PACS2: variants seen among roughly 807,000 people sequenced by gnomAD.
The protein encoded by PACS2 is phosphofurin acidic cluster sorting protein 2.
A neutral mutation model predicts 113.0 loss-of-function variants in PACS2; 36 were observed. The ratio of observed to expected loss-of-function variants is 0.32; its 90% confidence interval spans 0.24 to 0.42. PACS2 has a LOEUF of 0.42. Ranked by LOEUF, PACS2 falls within the 10% of genes least tolerant of loss-of-function variation. PACS2 has a pLI of 1.00. For synonymous variants in PACS2, 589 were observed against 536.1 expected (o/e 1.10, Z -1.36); for missense variants, 1,015 against 1,239.5 (o/e 0.82, Z 2.72).
intron 1 of PACS2, among the ~76,000 whole-genome samples, chr14:105,347,437 C>G (rs2140998878): frequency 6.6e-6 from 1 of 152,260 alleles, no homozygotes; most frequent in East Asian, 1.9e-4. Flanking sequence ...TGGTGGGTGG[C>G]TGCGTTCCAT....
chr14:105,364,778 C>T (rs1191202732), intron 4 of PACS2, among the ~76,000 whole-genome samples: 1 of 149,796 alleles, frequency 6.7e-6, no homozygotes, highest in African/African-American at 2.5e-5. Flanking sequence ...CTCACTGCAG[C>T]CTCAAGCCCC....
Position 105,316,864 on chromosome 14 carries a change from T to TGGAGTTAATGGGCGGA in PACS2, c.119+1846_119+1861dup, listed in dbSNP as rs141545789. Among the ~76,000 whole-genome samples, 205 of 151,840 alleles carry TGGAGTTAATGGGCGGA rather than the reference T, an allele frequency of 1.4e-3. 1 individual carries two copies. The Middle Eastern group carries it at 0.031, about 23-fold the overall frequency. On this transcript the variant is annotated intron_variant, in intron 1 of 24. Transcript: ENST00000447393. ...GAGGACAGGATTTGTTCTGTTGGTG[T>TGGAGTTAATGGGCGGA]GGAGTTAATGGGCGGAGGAGTTAAT...
At chr14:105,325,235 G>A (rs1253372129) in intron 1 of PACS2, among the ~76,000 whole-genome samples, 2 of 151,372 alleles carry the variant, frequency 1.3e-5, no homozygotes, top group Admixed American at 6.6e-5. Context: ...GGGTGGGGCT[G>A]GGGGAGGGTT....
At chr14:105,378,368 C>T (rs1555411005) in intron 9 of PACS2, among the ~76,000 whole-genome samples, 1 of 152,196 alleles carries the variant, frequency 6.6e-6, no homozygotes, top group East Asian at 1.9e-4. Context: ...CAGGGTGGAG[C>T]AGCAGACACT....
chr14:105,336,163 AAC>A (rs1249127259), intron 1 of PACS2, among the ~76,000 whole-genome samples: 2 of 152,090 alleles, frequency 1.3e-5, no homozygotes, highest in Non-Finnish European at 1.5e-5. Flanking sequence ...CTTCCAACAA[AAC>A]ACAGTCAGCA....
chr14:105,327,877 A>T (rs1008684695), intron 1 of PACS2, among the ~76,000 whole-genome samples: 1 of 150,336 alleles, frequency 6.7e-6, no homozygotes, highest in Non-Finnish European at 1.5e-5. Context: ...GACCATTGAC[A>T]GCCGAGCCTT....
chr14:105,386,453 G>A (rs953373260), intron 19 of PACS2, among the ~76,000 whole-genome samples: 7 of 151,986 alleles, frequency 4.6e-5, no homozygotes, highest in Non-Finnish European at 7.4e-5. Flanking sequence ...TTTTCATTCC[G>A]AGGCAGCTCC....
At position 105,398,118 on chromosome 14, in the gene PACS2, T is replaced by A. The variant is rs1417145629; in HGVS notation, c.*3446T>A. On this transcript the variant is annotated 3_prime_UTR_variant, in exon 25 of 25. Coordinates refer to ENST00000447393, the MANE Select transcript of PACS2 (RefSeq NM_001100913.3). ...CGTGTGGACTATTTCAAGGTGCTGATGCAACACTAATAAACCTGGAGGGGC... is the reference window on the plus strand; with the variant it reads ...CGTGTGGACTATTTCAAGGTGCTGAAGCAACACTAATAAACCTGGAGGGGC... The A allele has an allele frequency of 6.6e-6, 1 of 152,188 alleles. No homozygotes were observed. The highest frequency in any genetic ancestry group is 1.5e-5 in the Non-Finnish European group (1 of 68,026). 9.4% of individuals were successfully genotyped at this position (152,188 alleles called of 1,614,324 possible).
At chr14:105,325,363 C>T (rs1215565231) in intron 1 of PACS2, among the ~76,000 whole-genome samples, 1 of 152,158 alleles carries the variant, frequency 6.6e-6, no homozygotes, top group Non-Finnish European at 1.5e-5. Flanking sequence ...CTTGGAAGGG[C>T]CTTCAGTCCC....
rs1370292057 is a variant in PACS2 at position 105,356,861 on chromosome 14, C to T, written c.423+1684C>T. Among the ~76,000 whole-genome samples the T allele has an allele frequency of 6.9e-6, 1 of 145,542 alleles. No homozygotes were observed. The highest frequency in any genetic ancestry group is 1.5e-5 in the Non-Finnish European group (1 of 67,680). Reference sequence around the variant, plus strand: ...GATCCCTGCCGGTCCCTGTGTTTCCCATTAGCCATTCAGGCGATGTCCTGC... The same window carrying T: ...GATCCCTGCCGGTCCCTGTGTTTCCTATTAGCCATTCAGGCGATGTCCTGC... On this transcript the variant is annotated intron_variant, in intron 4 of 24. Coordinates refer to ENST00000447393, the MANE Select transcript of PACS2 (RefSeq NM_001100913.3). The surrounding 1 kb of genome is among the most constrained non-coding windows in gnomAD (Gnocchi z 4.0).
Position 105,394,594 on chromosome 14 carries a change from C to T in PACS2, c.2637C>T (p.Phe879=), listed in dbSNP as rs782276797. 9 of 1,613,420 alleles carry T rather than the reference C, an allele frequency of 5.6e-6. No homozygotes were observed. Among genetic ancestry groups the T allele is most frequent in the East Asian group, 2.2e-5 (1 of 44,868 alleles). The change falls in exon 25 of 25, where the codon TTC becomes TTT. Residue 879 remains phenylalanine, a synonymous_variant. Coordinates refer to ENST00000447393, the MANE Select transcript of PACS2 (RefSeq NM_001100913.3). ...DGVECSDVKF[F]QLAAQWSSHV... ...TGGAGTGCAGCGACGTCAAGTTCTT[C>T]CAGCTGGCCGCGCAGTGGTCCTCGC...
At chr14:105,392,467 T>A in intron 22 of PACS2, 152 bp from the exon 23 acceptor site, 1 of 653,086 alleles carries the variant, frequency 1.5e-6, no homozygotes, top group Admixed American at 2.5e-5. Context: ...TGTGAACAGC[T>A]CCACAGAGCA....
rs587684670 is a variant in PACS2, at chr14:105,324,651, G to A, written c.119+9614G>A. On this transcript the variant is annotated intron_variant, in intron 1 of 24. Transcript: ENST00000447393. This position sits in a 1 kb window ranked among gnomAD's most constrained non-coding sequence, Gnocchi z 4.7. ...TTGTGAGAGTGATGAGAGCGTGGCT[G>A]CTGGTCATGGTGCTGGGGTCGTCAG... is the stretch of plus-strand genomic sequence containing the variant. Among the ~76,000 whole-genome samples, 1 of 152,330 alleles carries A rather than the reference G, an allele frequency of 6.6e-6. No homozygotes were observed. The highest frequency in any genetic ancestry group is 1.9e-4 in the East Asian group (1 of 5,176).
rs2058718749 is a variant in PACS2, at chr14:105,317,424, G to C, written c.119+2387G>C. 6.6e-6 allele frequency among the ~76,000 whole-genome samples: 1 copy of C among 152,164 alleles called. No homozygotes were observed. The highest frequency in any genetic ancestry group is 1.5e-5 in the Non-Finnish European group (1 of 68,028). On this transcript the variant is annotated intron_variant, in intron 1 of 24. Coordinates refer to ENST00000447393, the MANE Select transcript of PACS2 (RefSeq NM_001100913.3). This position sits in a 1 kb window ranked among gnomAD's most constrained non-coding sequence, Gnocchi z 4.2. ...TGCTGGGCAGTTTTCCAGAGTGGTT[G>C]TGCCTGCTCCGGCCCCCACTGACAG...
At chr14:105,316,161 G>C (rs1179122538) in intron 1 of PACS2, among the ~76,000 whole-genome samples, 1 of 152,252 alleles carries the variant, frequency 6.6e-6, no homozygotes, top group Admixed American at 6.5e-5. Context: ...TGGTTTTGCT[G>C]AGTGGACAGG....
chr14:105,370,130 G>A, intron 8 of PACS2: 2 of 459,926 alleles, frequency 4.3e-6, no homozygotes, highest in Non-Finnish European at 7.7e-6. Context: ...TACCCTGGAA[G>A]TCGGAAAGTC....
At position 105,366,241 on chromosome 14, in the gene PACS2, G is replaced by C. The variant is rs1311187126; in HGVS notation, c.424-972G>C. On this transcript the variant is annotated intron_variant, in intron 4 of 24. Transcript: ENST00000447393. This position sits in a 1 kb window ranked among gnomAD's most constrained non-coding sequence, Gnocchi z 4.3. The stretch of plus-strand genomic sequence containing the variant: ...CAGATGCCTGTAATCCCAGGTACTT[G>C]GGAAGCTGAGGCAGGAGAATCACTT... 6.6e-6 allele frequency among the ~76,000 whole-genome samples: 1 copy of C among 152,232 alleles called. No homozygotes were observed. The highest frequency in any genetic ancestry group is 1.5e-5 in the Non-Finnish European group (1 of 68,034).
In PACS2 at chr14:105,368,143, G is replaced by C. The variant is rs782479015; in HGVS notation, c.656G>C (p.Gly219Ala). The C allele has an allele frequency of 1.0e-5, 16 of 1,606,382 alleles. No homozygotes were observed. Among genetic ancestry groups the C allele is most frequent in the Non-Finnish European group, 1.4e-5 (16 of 1,176,004 alleles). ...GAGGCCAGTGACGACGCCGTGCAGG[G>C]GCAGGTGACCTGGGGCCGGGGCTCC... is the stretch of plus-strand genomic sequence containing the variant. The part of the protein sequence containing the change: ...EQEASDDAVQ[G>A]QDLDEDDFDV... Residue 219 changes from glycine (G) to alanine (A), a missense_variant, in exon 6 of 25, where the codon GGG becomes GCG. Physicochemically the swap from Gly to Ala is moderately conservative, Grantham distance 60. Transcript: ENST00000447393.
At chr14:105,304,091 G>A (rs587677710) in intron 1 of PACS2, among the ~76,000 whole-genome samples, 67 of 152,326 alleles carry the variant, frequency 4.4e-4, no homozygotes, top group African/African-American at 1.5e-3. Context: ...AGGCCACAGC[G>A]GTGCAGGACA....
Sources: allele counts gnomAD v4.1 joint callset (sites outside exome capture counted in the v4.1 genomes callset), GRCh38; gene constraint gnomAD v4.1.1; non-coding constraint Gnocchi (gnomAD v3.1); transcripts MANE v1.5; gene names NCBI Gene and HGNC (gene_info 2026-07-23, HGNC 2026-07-21).